Variants in CRPPA observed in about 807,000 individuals in gnomAD.
CRPPA encodes D-ribitol-5-phosphate cytidylyltransferase.
CRPPA carries 43 observed loss-of-function variants against 52.0 expected under a neutral mutation model. The ratio of observed to expected loss-of-function variants is 0.83; its 90% CI spans 0.65 to 1.07. CRPPA has a LOEUF of 1.07. CRPPA is among the 50% of genes least tolerant of loss of function. The pLI is 0.00. For synonymous variants in CRPPA, 250 were observed against 203.5 expected (o/e 1.23, Z -1.94); for missense variants, 629 against 551.7 (o/e 1.14, Z -1.40).
intron 1 of CRPPA, among the ~76,000 whole-genome samples, chr7:16,410,506 C>T (rs1788055391): frequency 6.6e-6 from 1 of 152,160 alleles, no homozygotes; most frequent in African/African-American, 2.4e-5. Context: ...AAACGGTCAT[C>T]TCTACCATAA....
At chr7:16,367,790 G>A (rs200030073) in intron 3 of CRPPA, among the ~76,000 whole-genome samples, 9 of 152,210 alleles carry the variant, frequency 5.9e-5, no homozygotes, top group South Asian at 4.2e-4. Context: ...TTAAAAATGC[G>A]GGGAGGGGTT....
chr7:16,230,741 G>A (rs1782771091), intron 8 of CRPPA, among the ~76,000 whole-genome samples: 1 of 152,124 alleles, frequency 6.6e-6, no homozygotes, highest in Admixed American at 6.6e-5. Flanking sequence ...CTGCACATTT[G>A]AAGAAGTAGA....
At chr7:16,341,039 G>C (rs1456551967) in intron 3 of CRPPA, among the ~76,000 whole-genome samples, 1 of 152,114 alleles carries the variant, frequency 6.6e-6, no homozygotes, top group Non-Finnish European at 1.5e-5. Flanking sequence ...ATAATATTCT[G>C]TAAAGGCAAG....
chr7:16,265,816 C>T (rs191279158), intron 6 of CRPPA, among the ~76,000 whole-genome samples: 4 of 152,228 alleles, frequency 2.6e-5, no homozygotes, highest in East Asian at 3.9e-4. Flanking sequence ...CACCTATGCA[C>T]GGGCAGGTAT....
intron 6 of CRPPA, chr7:16,269,986 C>T (rs762615288): frequency 6.6e-6 from 1 of 152,126 alleles, no homozygotes; most frequent in Non-Finnish European, 1.5e-5. Context: ...TAGTATACAA[C>T]ATTCTTCAAA....
intron 8 of CRPPA, among the ~76,000 whole-genome samples, chr7:16,255,640 A>G (rs1425820712): frequency 6.6e-6 from 1 of 152,146 alleles, no homozygotes; most frequent in Non-Finnish European, 1.5e-5. Context: ...ATAATACCAC[A>G]CATCTACAAC....
intron 9 of CRPPA, among the ~76,000 whole-genome samples, chr7:16,107,317 C>A (rs1231512842): frequency 6.6e-6 from 1 of 152,038 alleles, no homozygotes; most frequent in Non-Finnish European, 1.5e-5. Flanking sequence ...TTCATCAAGG[C>A]ACATAATGAA....
At chr7:16,327,436 C>A (rs1583522245) in intron 3 of CRPPA, among the ~76,000 whole-genome samples, 1 of 150,726 alleles carries the variant, frequency 6.6e-6, no homozygotes, top group Non-Finnish European at 1.5e-5. Flanking sequence ...ACTAAAAATA[C>A]AAAAAAATTA....
intron 9 of CRPPA, among the ~76,000 whole-genome samples, chr7:16,179,364 G>A (rs1243289843): frequency 6.6e-6 from 1 of 152,068 alleles, no homozygotes; most frequent in Non-Finnish European, 1.5e-5. Flanking sequence ...ATGTTGTCAC[G>A]CACAGCAAAA....
chr7:16,340,817 A>C (rs571194059), intron 3 of CRPPA, among the ~76,000 whole-genome samples: 1 of 152,270 alleles, frequency 6.6e-6, no homozygotes, highest in East Asian at 1.9e-4. Context: ...TATTTACAGC[A>C]GTTTTATTTA....
At chr7:16,132,234 C>G (rs7797685) in intron 9 of CRPPA, among the ~76,000 whole-genome samples, 2 of 77,990 alleles carry the variant, frequency 2.6e-5, no homozygotes, top group African/African-American at 6.5e-5. Context: ...TTCTTCTTTT[C>G]TATTATCCGC....
At chr7:16,244,541 A>G (rs1275747304) in intron 8 of CRPPA, among the ~76,000 whole-genome samples, 1 of 152,206 alleles carries the variant, frequency 6.6e-6, no homozygotes, top group African/African-American at 2.4e-5. Flanking sequence ...TTTCATCAGT[A>G]TTGTATGCTG....
intron 2 of CRPPA, among the ~76,000 whole-genome samples, chr7:16,393,648 C>T (rs1787496530): frequency 6.6e-6 from 1 of 152,012 alleles, no homozygotes; most frequent in African/African-American, 2.4e-5. Context: ...ATCTTCATGA[C>T]TTCAGTGTAA....
chr7:16,391,724 G>A (rs1389803864), intron 2 of CRPPA, among the ~76,000 whole-genome samples: 46 of 152,226 alleles, frequency 3.0e-4, no homozygotes, highest in African/African-American at 2.4e-5. Context: ...TTATTGGACA[G>A]CAGTGCCCTA....
chr7:16,171,293 G>A (rs867300133), intron 9 of CRPPA, among the ~76,000 whole-genome samples: 13 of 152,052 alleles, frequency 8.5e-5, no homozygotes, highest in South Asian at 4.2e-4. Flanking sequence ...AAGCTAATTC[G>A]TATTAAAATT....
intron 3 of CRPPA, among the ~76,000 whole-genome samples, chr7:16,312,496 A>G (rs1192446483): frequency 1.3e-5 from 2 of 151,952 alleles, no homozygotes; most frequent in Non-Finnish European, 2.9e-5. Context: ...TAATTCCATA[A>G]CTTCTGTCAA....
chr7:16,219,532 T>C (rs1782438703), intron 8 of CRPPA, among the ~76,000 whole-genome samples: 1 of 108,038 alleles, frequency 9.3e-6, no homozygotes, highest in South Asian at 3.3e-4. Flanking sequence ...TCAACAAAAT[T>C]GATAGACCGC....
In CRPPA at chr7:16,089,048, G is replaced by A. The variant is rs932297685; in HGVS notation, c.*2647C>T. 7 of 226,168 alleles carry A rather than the reference G, an allele frequency of 3.1e-5. No homozygotes were observed. The highest frequency in any genetic ancestry group is 6.8e-5 in the Non-Finnish European group (7 of 102,584). The allele number at this position is 226,168 out of a possible 1,614,324, so 14.0% of individuals were successfully genotyped here. On this transcript the variant is annotated 3_prime_UTR_variant, in exon 10 of 10. Coordinates refer to ENST00000407010, the MANE Select transcript of CRPPA (RefSeq NM_001101426.4). ...AAGCCCAAACTTTTGTTACTATTCAGTCACATGATTTTGGCAAGGTAACTA... is the reference window on the plus strand; with the variant it reads ...AAGCCCAAACTTTTGTTACTATTCAATCACATGATTTTGGCAAGGTAACTA...
intron 5 of CRPPA, among the ~76,000 whole-genome samples, chr7:16,280,675 A>G (rs948183181): frequency 6.6e-6 from 1 of 152,178 alleles, no homozygotes; most frequent in African/African-American, 2.4e-5. Context: ...AATAAAACTG[A>G]TATATTACTA....
Sources: allele counts gnomAD v4.1 joint callset (sites outside exome capture counted in the v4.1 genomes callset), GRCh38; gene constraint gnomAD v4.1.1; transcripts MANE v1.5; gene names NCBI Gene and HGNC (gene_info 2026-07-23, HGNC 2026-07-21).